FOCAD: variants seen among roughly 807,000 people sequenced by gnomAD.
FOCAD encodes the protein KIAA1797.
FOCAD carries 198 observed loss-of-function variants against 225.6 expected under a neutral mutation model. That is an observed-to-expected ratio of 0.88 (90% CI 0.78 to 0.99). The LOEUF is 0.99. Among genes scored for constraint, FOCAD ranks in the 50% least tolerant of loss-of-function variants. FOCAD has a pLI of 0.00. For synonymous variants in FOCAD, 897 were observed against 755.0 expected, an observed-to-expected ratio of 1.19 and a Z score of -3.08; for missense variants, 2,713 against 2,123.6, an observed-to-expected ratio of 1.28 and a Z score of -5.46.
At chr9:20,740,095 G>C (rs1563931519) in intron 4 of FOCAD, 141 bp from the exon 5 acceptor site, 1 of 560,806 alleles carries the variant, frequency 1.8e-6, no homozygotes, top group East Asian at 3.0e-5. Context: ...CTGTACTATA[G>C]AATGAGTTGA....
In FOCAD at chr9:20,948,944, A is replaced by T; in HGVS notation, c.3876+16A>T. On this transcript the variant is annotated intron_variant, in intron 32 of 43. Coordinates refer to ENST00000338382, the MANE Select transcript of FOCAD (RefSeq NM_001375567.1). Reference sequence around the variant, plus strand: ...TGTAATGCAGGTAAAGAAAGGAACCATGGAGGGGAAGACATCTAAATATGT... The same window carrying T: ...TGTAATGCAGGTAAAGAAAGGAACCTTGGAGGGGAAGACATCTAAATATGT... 6.2e-7 allele frequency: 1 copy of T among 1,610,650 alleles called. No individual in the cohort carries two copies. Among genetic ancestry groups the T allele is most frequent in the Non-Finnish European group, 8.5e-7 (1 of 1,177,084 alleles).
chr9:20,973,740 C>CTTCTCCTTTTACCTATGT (rs1357085790), intron 35 of FOCAD, among the ~76,000 whole-genome samples: 23 of 149,750 alleles, frequency 1.5e-4, no homozygotes, highest in African/African-American at 5.5e-4. Flanking sequence ...ATGGCCTCTG[C>CTTCTCCTTTTACCTATGT]TTCTCCTTTT....
intron 5 of FOCAD, among the ~76,000 whole-genome samples, chr9:20,745,700 T>G (rs1165204334): frequency 6.6e-6 from 1 of 152,212 alleles, no homozygotes; most frequent in Non-Finnish European, 1.5e-5. Flanking sequence ...TGTATTTTTC[T>G]GATGTGCCAG....
At chr9:20,695,315 A>G (rs2131368981) in intron 1 of FOCAD, among the ~76,000 whole-genome samples, 1 of 152,326 alleles carries the variant, frequency 6.6e-6, no homozygotes, top group African/African-American at 2.4e-5. Flanking sequence ...AATGGATTCA[A>G]GTGGGATCAT....
intron 11 of FOCAD, among the ~76,000 whole-genome samples, chr9:20,805,273 T>C (rs1822299275): frequency 6.6e-6 from 1 of 152,212 alleles, no homozygotes; most frequent in Admixed American, 6.5e-5. Flanking sequence ...TTAAGAAATA[T>C]TTTCAGAAGT....
intron 28 of FOCAD, among the ~76,000 whole-genome samples, chr9:20,937,878 C>G (rs201717077): frequency 7.9e-5 from 12 of 151,998 alleles, no homozygotes; most frequent in Admixed American, 6.6e-5. Context: ...CAAACAAATT[C>G]ACAAGAAAAA....
At chr9:20,887,010 A>G (rs754490223) in intron 21 of FOCAD, among the ~76,000 whole-genome samples, 4 of 152,210 alleles carry the variant, frequency 2.6e-5, no homozygotes, top group Non-Finnish European at 5.9e-5. Context: ...TTGAACTGTC[A>G]TCTTCTCTCC....
chr9:20,854,570 T>C (rs1260156353), intron 15 of FOCAD, among the ~76,000 whole-genome samples: 2 of 151,804 alleles, frequency 1.3e-5, no homozygotes, highest in African/African-American at 4.8e-5. Context: ...TCTTCTTTAA[T>C]CTGTACTGTT....
intron 42 of FOCAD, among the ~76,000 whole-genome samples, chr9:20,990,739 C>A (rs1320096389): frequency 1.3e-5 from 2 of 152,120 alleles, no homozygotes; most frequent in Admixed American, 6.5e-5. Context: ...GATTGCAAAT[C>A]GTGTGATAAG....
intron 22 of FOCAD, among the ~76,000 whole-genome samples, 163 bp downstream of exon 22, chr9:20,907,405 T>C (rs1378567570): frequency 6.6e-6 from 1 of 152,068 alleles, no homozygotes; most frequent in Non-Finnish European, 1.5e-5. Flanking sequence ...ATATATAGCA[T>C]TGCTGCACTT....
intron 2 of FOCAD, among the ~76,000 whole-genome samples, chr9:20,667,353 T>C (rs1821926479): frequency 6.6e-6 from 1 of 152,252 alleles, no homozygotes; most frequent in African/African-American, 2.4e-5. Context: ...CTTATAAATC[T>C]TGTTGGCAGT....
At chr9:20,815,617 T>C (rs1490841309) in intron 11 of FOCAD, among the ~76,000 whole-genome samples, 1 of 151,206 alleles carries the variant, frequency 6.6e-6, no homozygotes, top group East Asian at 2.0e-4. Flanking sequence ...TTATAGGGGC[T>C]CCCTTAACAG....
At chr9:20,799,298 T>C (rs1461964640) in intron 11 of FOCAD, among the ~76,000 whole-genome samples, 1 of 152,142 alleles carries the variant, frequency 6.6e-6, no homozygotes, top group Non-Finnish European at 1.5e-5. Flanking sequence ...AGGTGTGGTG[T>C]GGTGCTGAAA....
intron 2 of FOCAD, among the ~76,000 whole-genome samples, chr9:20,677,460 C>G (rs1278179322): frequency 6.6e-6 from 1 of 152,094 alleles, no homozygotes; most frequent in Admixed American, 6.6e-5. Context: ...TATTTGCCAA[C>G]TATTTATGTG....
At chr9:20,889,784 T>C (rs978277368) in intron 21 of FOCAD, among the ~76,000 whole-genome samples, 17 of 152,270 alleles carry the variant, frequency 1.1e-4, no homozygotes, top group African/African-American at 3.6e-4. Context: ...AAAAGTTTGC[T>C]GATTTCAATG....
chr9:20,784,513 G>C (rs2131133330), intron 10 of FOCAD, among the ~76,000 whole-genome samples: 1 of 152,272 alleles, frequency 6.6e-6, no homozygotes, highest in Admixed American at 6.5e-5. Context: ...GGGTGGATGG[G>C]TGAGATGAAG....
intron 4 of FOCAD, among the ~76,000 whole-genome samples, chr9:20,721,929 C>T (rs1586940145): frequency 5.2e-5 from 3 of 57,840 alleles, no homozygotes; most frequent in Admixed American, 1.7e-4. Flanking sequence ...CCCTTCCTCT[C>T]CCCTCCCCTT....
chr9:20,791,155 G>A (rs1257905441), intron 11 of FOCAD, among the ~76,000 whole-genome samples: 1 of 151,832 alleles, frequency 6.6e-6, no homozygotes, highest in Non-Finnish European at 1.5e-5. Flanking sequence ...GTTATACAGT[G>A]GGTTACCTTG....
chr9:20,718,691 G>C (rs893510462), intron 3 of FOCAD, among the ~76,000 whole-genome samples: 3 of 152,178 alleles, frequency 2.0e-5, no homozygotes, highest in African/African-American at 7.2e-5. Flanking sequence ...TGAAAACTCT[G>C]ATCCTAATCC....
Sources: gnomAD v4.1 joint callset for allele counts (sites outside exome capture counted in the v4.1 genomes callset) on GRCh38, gnomAD v4.1.1 for gene constraint, MANE v1.5 for transcripts, NCBI Gene and HGNC (gene_info 2026-07-23, HGNC 2026-07-21) for gene names.